The following VPS13B variants were observed in gnomAD, a reference collection of about 807,000 sequenced individuals.
VPS13B encodes vacuolar protein sorting 13 homolog B.
Under a neutral mutation model 426.4 loss-of-function variants are expected in VPS13B, and 285 were observed. The observed-to-expected ratio is 0.67, with a 90% CI of 0.61 to 0.74. The LOEUF (loss-of-function observed/expected upper bound fraction) is 0.74, where lower values mean the gene tolerates loss of function less well. VPS13B is among the 30% of genes least tolerant of loss of function. The pLI is 0.00. For missense variants in VPS13B, 4,537 were observed against 4,782.6 expected (o/e 0.95, Z 1.51); for synonymous variants, 1,676 against 1,676.4 (o/e 1.00, Z 0.01).
At chr8:99,854,790 G>A (rs916979001) in intron 56 of VPS13B, among the ~76,000 whole-genome samples, 3 of 152,174 alleles carry the variant, frequency 2.0e-5, no homozygotes, top group African/African-American at 7.2e-5. Context: ...TTGTGTGCTT[G>A]TAAGATGCAC....
chr8:99,487,928 T>C (rs1405852510), intron 25 of VPS13B, among the ~76,000 whole-genome samples: 1 of 152,198 alleles, frequency 6.6e-6, no homozygotes, highest in African/African-American at 2.4e-5. Flanking sequence ...CAAGGGTTGA[T>C]GAATTTTTAA....
chr8:99,812,632 G>T (rs1336080006), intron 44 of VPS13B, among the ~76,000 whole-genome samples: 1 of 152,082 alleles, frequency 6.6e-6, no homozygotes, highest in African/African-American at 2.4e-5. Context: ...AATTTTGTGG[G>T]AACTTTGTAT....
At chr8:99,323,556 C>T (rs1392861518) in intron 19 of VPS13B, among the ~76,000 whole-genome samples, 3 of 152,100 alleles carry the variant, frequency 2.0e-5, no homozygotes, top group Non-Finnish European at 4.4e-5. Flanking sequence ...GGAATTGAAC[C>T]AATATGTTTA....
intron 35 of VPS13B, among the ~76,000 whole-genome samples, chr8:99,692,175 G>C (rs1301863774): frequency 1.4e-5 from 2 of 147,666 alleles, no homozygotes; most frequent in Non-Finnish European, 3.0e-5. Context: ...ATTGAACTCA[G>C]CTGTGCACCA....
chr8:99,238,073 CA>C (rs1227173947), intron 17 of VPS13B, among the ~76,000 whole-genome samples: 1 of 152,010 alleles, frequency 6.6e-6, no homozygotes, highest in African/African-American at 2.4e-5. Context: ...TGGAGTACTT[CA>C]ATTTACTCTA....
At chr8:99,736,438 G>A (rs1052745731) in intron 39 of VPS13B, among the ~76,000 whole-genome samples, 2 of 152,158 alleles carry the variant, frequency 1.3e-5, no homozygotes, top group Non-Finnish European at 2.9e-5. Context: ...GCTGGGTGTG[G>A]TGGCACGTGC....
At chr8:99,322,650 A>G (rs1033694704) in intron 19 of VPS13B, among the ~76,000 whole-genome samples, 1 of 152,036 alleles carries the variant, frequency 6.6e-6, no homozygotes, top group African/African-American at 2.4e-5. Flanking sequence ...AGTTTTTTGT[A>G]TTTTTTTCCT....
intron 12 of VPS13B, among the ~76,000 whole-genome samples, chr8:99,140,583 TGCTG>T (rs1810359601): frequency 6.6e-6 from 1 of 151,466 alleles, no homozygotes; most frequent in Non-Finnish European, 1.5e-5. Flanking sequence ...TTGCTGCTGC[TGCTG>T]CTTCCTCCCT....
At chr8:99,472,243 C>T (rs746240249) in intron 24 of VPS13B, among the ~76,000 whole-genome samples, 2 of 151,992 alleles carry the variant, frequency 1.3e-5, no homozygotes, top group Non-Finnish European at 2.9e-5. Flanking sequence ...TATGAAAATA[C>T]TATGCACTCA....
intron 19 of VPS13B, among the ~76,000 whole-genome samples, chr8:99,364,385 G>T (rs1032302552): frequency 6.6e-6 from 1 of 151,884 alleles, no homozygotes; most frequent in Non-Finnish European, 1.5e-5. Context: ...ATTTTGTTGA[G>T]GATTTTTCCA....
intron 35 of VPS13B, chr8:99,696,463 G>A (rs527323287): frequency 3.2e-5 from 12 of 376,778 alleles, no homozygotes; most frequent in Non-Finnish European, 6.2e-5. Context: ...CAGTTTCTCC[G>A]GATCCGCGCC....
intron 12 of VPS13B, among the ~76,000 whole-genome samples, chr8:99,140,037 G>A (rs4317539): frequency 0.18 from 27,665 of 151,934 alleles, 2,994 homozygotes; most frequent in East Asian, 0.38. Context: ...TTGATTTTGT[G>A]TGTTTTAAGT....
chr8:99,552,886 A>G (rs1824359692), intron 30 of VPS13B, among the ~76,000 whole-genome samples: 1 of 152,092 alleles, frequency 6.6e-6, no homozygotes. Context: ...GTGTTAATGT[A>G]TATAGTGCTC....
At chr8:99,642,873 C>G (rs1419668913) in intron 34 of VPS13B, among the ~76,000 whole-genome samples, 1 of 151,998 alleles carries the variant, frequency 6.6e-6, no homozygotes, top group East Asian at 1.9e-4. Context: ...AAAAGAAAAG[C>G]CTTAGAAGAT....
At chr8:99,798,405 A>G (rs890616931) in intron 43 of VPS13B, among the ~76,000 whole-genome samples, 4 of 152,132 alleles carry the variant, frequency 2.6e-5, no homozygotes, top group Non-Finnish European at 5.9e-5. Flanking sequence ...TGGGAGATAC[A>G]TTCTACCTAA....
chr8:99,590,563 A>G (rs1826588473), intron 33 of VPS13B, among the ~76,000 whole-genome samples: 1 of 152,152 alleles, frequency 6.6e-6, no homozygotes, highest in Non-Finnish European at 1.5e-5. Context: ...TTCAAAGAAC[A>G]TCTTTATTTC....
chr8:99,391,699 T>C lies in VPS13B; in HGVS notation c.3077T>C (p.Val1026Ala). The change falls in exon 21 of 62, where the codon GTA becomes GCA. Residue 1026 changes from valine (V) to alanine (A), a missense_variant. Around this residue, in one of 2 missense-constraint regions of VPS13B, gnomAD observed 4,311 missense variants for 4,474.3 expected, o/e 0.96. Coordinates refer to ENST00000357162, the MANE Select transcript of VPS13B (RefSeq NM_152564.5). ...AGCAGCCCTGTAAAAACAAAAACGG[T>C]AACAGGTATGTGTCAAGTACTGTAA... is the stretch of plus-strand genomic sequence containing the variant. ...YASSPVKTKT[V>A]TESRPLSVPV... The C allele has an allele frequency of 3.1e-6, 5 of 1,613,988 alleles. No individual in the cohort carries two copies. In the South Asian group the frequency reaches 4.4e-5, roughly 14 times the overall value.
chr8:99,476,214 C>T (rs908911810), intron 24 of VPS13B, among the ~76,000 whole-genome samples: 14 of 152,170 alleles, frequency 9.2e-5, no homozygotes, highest in African/African-American at 3.4e-4. Context: ...AAAATAACAG[C>T]ACTGAAGAAT....
At chr8:99,161,053 T>G (rs919656876) in intron 15 of VPS13B, among the ~76,000 whole-genome samples, 1 of 152,230 alleles carries the variant, frequency 6.6e-6, no homozygotes, top group African/African-American at 2.4e-5. Context: ...TAATGTTTTA[T>G]GTTATATGGA....
Sources: gnomAD v4.1 joint callset for allele counts (sites outside exome capture counted in the v4.1 genomes callset) on GRCh38, gnomAD v4.1.1 for gene constraint, gnomAD v4.1.1 regional missense constraint, MANE v1.5 for transcripts, NCBI Gene and HGNC (gene_info 2026-07-23, HGNC 2026-07-21) for gene names.